Variants in PAK3 observed in about 807,000 individuals in gnomAD.
PAK3 encodes serine/threonine-protein kinase PAK 3.
PAK3 carries 4 observed loss-of-function variants against 41.0 expected under a neutral mutation model. The observed-to-expected ratio is 0.10, with a 90% CI of 0.05 to 0.22. The LOEUF (loss-of-function observed/expected upper bound fraction) is 0.22. PAK3 is among the 10% of genes least tolerant of loss of function. The probability of loss-of-function intolerance (pLI) is 1.00; values close to 1 mark genes in which losing one functional copy is unlikely to be tolerated. For missense variants in PAK3, 205 were observed against 409.9 expected (o/e 0.50, Z 4.32); for synonymous variants, 146 against 139.6 (o/e 1.05, Z -0.32).
At chrX:111,143,293 A>G (rs1002831817) in intron 6 of PAK3, among the ~76,000 whole-genome samples, 1 of 111,552 alleles carries the variant, frequency 9.0e-6, no homozygotes, top group African/African-American at 3.2e-5. Context: ...AAATTAATCT[A>G]TGTGGAGAAG....
chrX:111,075,332 C>T (rs954737821), intron 1 of PAK3, among the ~76,000 whole-genome samples: 1 of 112,517 alleles, frequency 8.9e-6, no homozygotes, highest in African/African-American at 3.2e-5. Context: ...ATGGGCCAGG[C>T]CCAGAGTGCC....
intron 8 of PAK3, among the ~76,000 whole-genome samples, chrX:111,153,285 G>A (rs931132922): frequency 8.9e-6 from 1 of 111,772 alleles, no homozygotes; most frequent in African/African-American, 3.2e-5. Flanking sequence ...AACAGTATAC[G>A]TTTTGTATGT....
At chrX:111,163,158 A>G in intron 9 of PAK3, 112 bp downstream of exon 9, 2 of 772,962 alleles carry the variant, frequency 2.6e-6, no homozygotes, top group South Asian at 2.2e-5. Flanking sequence ...TTATGTTCCA[A>G]GAGCTAAAGT....
At chrX:111,055,956 G>T (rs1159357123) in intron 1 of PAK3, among the ~76,000 whole-genome samples, 1 of 110,582 alleles carries the variant, frequency 9.0e-6, no homozygotes, top group Admixed American at 9.8e-5. Context: ...CCCTCTTTCT[G>T]CCCCTTTCTT....
chrX:111,102,832 G>C (rs1408853255), intron 3 of PAK3, among the ~76,000 whole-genome samples: 3 of 112,246 alleles, frequency 2.7e-5, no homozygotes, highest in Admixed American at 1.9e-4. Context: ...GGCCCAGAAT[G>C]ATGAGGTGAC....
rs767162489 is a variant in PAK3, at chrX:111,123,295, C to T, written c.175+17C>T. ...GGGATAAAAGTAAAGTATCAGTGGC[C>T]GGGCATTGAAAATGGGCTAGTTTAT... is the stretch of plus-strand genomic sequence containing the variant. On this transcript the variant is annotated intron_variant, in intron 5 of 17. Coordinates refer to ENST00000372007, the MANE Select transcript of PAK3 (RefSeq NM_002578.5). 15 of 1,168,031 alleles carry T rather than the reference C, an allele frequency of 1.3e-5. No homozygotes were observed. The highest frequency in any genetic ancestry group is 5.3e-5 in the African/African-American group (3 of 56,559).
chrX:111,167,798 A>G (rs2094280410), intron 10 of PAK3, among the ~76,000 whole-genome samples: 1 of 110,689 alleles, frequency 9.0e-6, no homozygotes, highest in African/African-American at 3.3e-5. Context: ...AGGTGCAGCA[A>G]ACCACCATGG....
At chrX:111,043,666 G>T (rs1423017146) in intron 1 of PAK3, among the ~76,000 whole-genome samples, 1 of 112,320 alleles carries the variant, frequency 8.9e-6, no homozygotes, top group African/African-American at 3.2e-5. Flanking sequence ...CTGAGGCATT[G>T]CTAGTCTGGA....
chrX:111,194,867 A>G (rs1490341305), intron 14 of PAK3, among the ~76,000 whole-genome samples: 1 of 112,555 alleles, frequency 8.9e-6, no homozygotes, highest in Non-Finnish European at 1.9e-5. Context: ...GCCAGAAAGC[A>G]GTTGCTTTCA....
At chrX:111,192,314 G>C (rs1267887215) in intron 12 of PAK3, 139 bp downstream of exon 12, 7 of 530,515 alleles carry the variant, frequency 1.3e-5, no homozygotes, top group Non-Finnish European at 1.9e-5. Context: ...GGTGCCCAAA[G>C]CCTCTGAAGT....
At chrX:111,038,741 A>G (rs765933808) in intron 1 of PAK3, among the ~76,000 whole-genome samples, 6 of 112,513 alleles carry the variant, frequency 5.3e-5, no homozygotes, top group Non-Finnish European at 1.1e-4. Context: ...AATAGTATCT[A>G]CATCATAGGA....
chrX:111,113,436 T>G (rs2093410077), intron 4 of PAK3, among the ~76,000 whole-genome samples: 2 of 111,475 alleles, frequency 1.8e-5, no homozygotes, highest in African/African-American at 3.3e-5. Flanking sequence ...GCAGCTATGT[T>G]CCCTGGAACA....
At chrX:111,068,709 C>T (rs2148819817) in intron 1 of PAK3, among the ~76,000 whole-genome samples, 1 of 112,439 alleles carries the variant, frequency 8.9e-6, no homozygotes, top group East Asian at 2.8e-4. Flanking sequence ...AATTTAAGGC[C>T]ATGTTTTTCT....
intron 17 of PAK3, chrX:111,217,538 TGAA>T: frequency 1.0e-6 from 1 of 969,712 alleles, no homozygotes; most frequent in Non-Finnish European, 1.3e-6. Flanking sequence ...CTGTTGCTTC[TGAA>T]CTCCTTCCAG....
chrX:110,966,335 C>G (rs1299423059), intron 1 of PAK3, among the ~76,000 whole-genome samples: 1 of 110,819 alleles, frequency 9.0e-6, no homozygotes, highest in Non-Finnish European at 1.9e-5. Flanking sequence ...ACCACCTCCT[C>G]TTAATTCTAC....
intron 8 of PAK3, among the ~76,000 whole-genome samples, chrX:111,153,588 A>G (rs907814974): frequency 1.8e-5 from 2 of 111,927 alleles, no homozygotes; most frequent in African/African-American, 6.5e-5. Context: ...TCAAACAGTC[A>G]TGGATGGCCA....
chrX:111,190,622 G>A, intron 11 of PAK3, among the ~76,000 whole-genome samples: 1 of 111,429 alleles, frequency 9.0e-6, no homozygotes, highest in East Asian at 2.8e-4. Context: ...AGTCAAATAT[G>A]CCTTATACTA....
intron 1 of PAK3, among the ~76,000 whole-genome samples, chrX:111,063,884 T>C (rs1212405899): frequency 9.0e-6 from 1 of 110,651 alleles, no homozygotes. Context: ...TCCTCAATAT[T>C]GAGGCCGCTG....
At chrX:111,056,441 T>C (rs959152316) in intron 1 of PAK3, among the ~76,000 whole-genome samples, 4 of 112,369 alleles carry the variant, frequency 3.6e-5, no homozygotes, top group African/African-American at 1.3e-4. Context: ...GTCAAGCTTT[T>C]GCATTAGATA....
Sources: gnomAD v4.1 joint callset for allele counts (sites outside exome capture counted in the v4.1 genomes callset) on GRCh38, gnomAD v4.1.1 for gene constraint, MANE v1.5 for transcripts, NCBI Gene and HGNC (gene_info 2026-07-23, HGNC 2026-07-21) for gene names.